The following TYW3 variants were observed in gnomAD, a reference collection of about 807,000 sequenced individuals.
TYW3 encodes tRNA-yW synthesizing protein 3 homolog.
In TYW3, 26 loss-of-function variants were observed where a neutral mutation model predicts 23.1. The ratio of observed to expected loss-of-function variants is 1.13; its 90% confidence interval spans 0.83 to 1.56. The LOEUF is 1.56. Among genes scored for constraint, TYW3 ranks in the 40% most tolerant of loss-of-function variants. The probability of loss-of-function intolerance (pLI) is 0.00; values close to 1 mark genes in which losing one functional copy is unlikely to be tolerated. For synonymous variants in TYW3, 102 were observed against 105.7 expected, an observed-to-expected ratio of 0.97 and a Z score of 0.21; for missense variants, 316 against 311.9, an observed-to-expected ratio of 1.01 and a Z score of -0.10.
At chr1:74,738,872 A>T (rs527814467) in intron 3 of TYW3, 84 bp downstream of exon 3, 2 of 883,972 alleles carry the variant, frequency 2.3e-6, no homozygotes, top group Non-Finnish European at 3.5e-6. Flanking sequence ...ATAAATATCA[A>T]TGAGATATTA....
At position 74,765,860 on chromosome 1, in the gene TYW3, G is replaced by GTT. The variant is rs1649290307; in HGVS notation, c.*1749_*1750dup. 1.3e-5 allele frequency: 2 copies of GTT among 152,038 alleles called. No individual in the cohort carries two copies. The allele number at this position is 152,038 out of a possible 1,614,324, so 9.4% of individuals were successfully genotyped here. A position where few individuals can be genotyped will look rare whatever the true frequency, so the allele number is the denominator to read the frequency against. On this transcript the variant is annotated 3_prime_UTR_variant, in exon 6 of 6. Coordinates refer to ENST00000370867, the MANE Select transcript of TYW3 (RefSeq NM_138467.3). ...GAAGAGAGGGGCTGCTTCCTAATCTGTTTATATAAGGTATAGTATAGTATA... is the reference window on the plus strand; with the variant it reads ...GAAGAGAGGGGCTGCTTCCTAATCTGTTTTTATATAAGGTATAGTATAGTATA...
chr1:74,759,845 A>G (rs1438904283), intron 5 of TYW3, among the ~76,000 whole-genome samples: 1 of 152,074 alleles, frequency 6.6e-6, no homozygotes, highest in Non-Finnish European at 1.5e-5. Flanking sequence ...GGGTTTTGCC[A>G]TGTTGCCTAG....
At chr1:74,758,801 C>T (rs532479285) in intron 5 of TYW3, among the ~76,000 whole-genome samples, 19 of 152,250 alleles carry the variant, frequency 1.2e-4, no homozygotes, top group Middle Eastern at 6.8e-3. Flanking sequence ...AACATGGTCA[C>T]GTTGAAGATA....
intron 5 of TYW3, among the ~76,000 whole-genome samples, chr1:74,755,817 C>T (rs536923948): frequency 1.6e-4 from 25 of 152,268 alleles, no homozygotes; most frequent in African/African-American, 5.5e-4. Context: ...AAAAGAAGAG[C>T]ATGAACAAAG....
rs569759855 is a variant in TYW3, at chr1:74,736,621, T to C, written c.254T>C (p.Val85Ala). Residue 85 changes from valine to alanine, a missense_variant and splice_region_variant, in exon 2 of 6, where the codon GTG becomes GCG. Physicochemically the swap from Val to Ala is moderately conservative, Grantham distance 64 (BLOSUM62 0). Transcript: ENST00000370867. ...VTHKLCVKDDVIVALKKANGD... is the reference protein window; with the variant it reads ...VTHKLCVKDDAIVALKKANGD... Reference sequence around the variant, plus strand: ...CACAAACTTTGTGTAAAAGATGATGTGGTAAGTTTTAAAAAATAAATTTGG... The same window carrying C: ...CACAAACTTTGTGTAAAAGATGATGCGGTAAGTTTTAAAAAATAAATTTGG... 6.3e-7 allele frequency: 1 copy of C among 1,587,166 alleles called. No homozygotes were observed. Among genetic ancestry groups the C allele is most frequent in the African/African-American group, 1.3e-5 (1 of 74,186 alleles).
chr1:74,756,013 C>T (rs577572468), intron 5 of TYW3, among the ~76,000 whole-genome samples: 10 of 152,246 alleles, frequency 6.6e-5, no homozygotes, highest in African/African-American at 2.2e-4. Context: ...AGTCGCCCTG[C>T]ACAAGTTCTC....
chr1:74,745,345 AT>A (rs1255270743), intron 3 of TYW3, among the ~76,000 whole-genome samples: 2 of 152,176 alleles, frequency 1.3e-5, no homozygotes, highest in African/African-American at 4.8e-5. Context: ...CCCCACCCAC[AT>A]CCTGCTGATT....
chr1:74,763,630 C>T (rs1204551155), intron 5 of TYW3, among the ~76,000 whole-genome samples: 1 of 151,564 alleles, frequency 6.6e-6, no homozygotes, highest in Non-Finnish European at 1.5e-5. Flanking sequence ...TCTTTTTTAC[C>T]CTCTTCTTTG....
At chr1:74,743,595 A>G (rs1372259726) in intron 3 of TYW3, among the ~76,000 whole-genome samples, 1 of 152,100 alleles carries the variant, frequency 6.6e-6, no homozygotes, top group Non-Finnish European at 1.5e-5. Flanking sequence ...TGAGTAATTC[A>G]TGGGCTTTTT....
intron 3 of TYW3, among the ~76,000 whole-genome samples, chr1:74,743,756 A>T (rs561125844): frequency 6.6e-6 from 1 of 152,090 alleles, no homozygotes; most frequent in Non-Finnish European, 1.5e-5. Flanking sequence ...CTGTCATTCT[A>T]TCATTTACTT....
intron 3 of TYW3, among the ~76,000 whole-genome samples, chr1:74,742,506 G>T (rs867536560): frequency 6.6e-6 from 1 of 152,162 alleles, no homozygotes; most frequent in Admixed American, 6.5e-5. Flanking sequence ...TCTTGGAGGG[G>T]GTTGTTCCAT....
chr1:74,736,613 AG>A lies in TYW3; in HGVS notation c.247del (p.Asp83MetfsTer3). On this transcript the variant is annotated frameshift_variant, in exon 2 of 6. Coordinates refer to ENST00000370867, the MANE Select transcript of TYW3 (RefSeq NM_138467.3). LOFTEE classifies it high-confidence loss of function. ...LLVTHKLCVKDDVIVALKKAN... is the reference protein window; with the variant it reads ...LLVTHKLCVKXDVIVALKKAN... ...TGGTTACACACAAACTTTGTGTAAA[AG>A]ATGATGTGGTAAGTTTTAAAAAATA... 6.3e-7 allele frequency: 1 copy of A among 1,599,070 alleles called. No individual in the cohort carries two copies. Among genetic ancestry groups the A allele is most frequent in the Middle Eastern group, 1.7e-4 (1 of 6,014 alleles).
chr1:74,762,587 T>C (rs959728096), intron 5 of TYW3, among the ~76,000 whole-genome samples: 13 of 152,172 alleles, frequency 8.5e-5, no homozygotes, highest in African/African-American at 2.9e-4. Flanking sequence ...ATAGGATCCT[T>C]GCTCTCATGA....
chr1:74,735,860 A>T (rs1407954150), intron 1 of TYW3, among the ~76,000 whole-genome samples: 1 of 152,186 alleles, frequency 6.6e-6, no homozygotes, highest in African/African-American at 2.4e-5. Context: ...GAGTATAGTG[A>T]TTTCTGTTCA....
At chr1:74,738,561 G>A (rs1648232649) in intron 2 of TYW3, 129 bp from the exon 3 acceptor site, 7 of 521,700 alleles carry the variant, frequency 1.3e-5, no homozygotes, top group Non-Finnish European at 2.2e-5. Flanking sequence ...AGAGGGAAAA[G>A]TTACTGCAGA....
rs544642809 is a variant in TYW3, at chr1:74,764,016, G to T, written c.683G>T (p.Arg228Leu). The T allele has an allele frequency of 1.2e-6, 2 of 1,612,410 alleles. No homozygotes were observed. Among genetic ancestry groups the T allele is most frequent in the Admixed American group, 1.7e-5 (1 of 59,754 alleles). Residue 228 changes from arginine (R) to leucine (L), a missense_variant, in exon 6 of 6, where the codon CGT becomes CTT. Transcript: ENST00000370867. ...HKKKRNPEKT[R>L]AQCITKESDE... ...AAAAAAAGAAACCCAGAAAAAACAC[G>T]TGCCCAGTGTATTACTAAAGAAAGT...
chr1:74,754,232 A>G (rs934624049), intron 5 of TYW3, among the ~76,000 whole-genome samples: 4 of 152,088 alleles, frequency 2.6e-5, no homozygotes, highest in Non-Finnish European at 4.4e-5. Context: ...AGATCAACTA[A>G]CTGTACACCT....
intron 5 of TYW3, among the ~76,000 whole-genome samples, chr1:74,752,995 C>T (rs183961620): frequency 6.6e-6 from 1 of 152,248 alleles, no homozygotes; most frequent in East Asian, 1.9e-4. Context: ...TGTTCTTCAT[C>T]GTTACCTCCT....
At chr1:74,763,020 T>C (rs1477171717) in intron 5 of TYW3, among the ~76,000 whole-genome samples, 1 of 152,196 alleles carries the variant, frequency 6.6e-6, no homozygotes, top group African/African-American at 2.4e-5. Flanking sequence ...AGAAACATTG[T>C]ATTTTACTTA....
Sources: gnomAD v4.1 joint callset for allele counts (sites outside exome capture counted in the v4.1 genomes callset) on GRCh38, gnomAD v4.1.1 for gene constraint, MANE v1.5 for transcripts, NCBI Gene and HGNC (gene_info 2026-07-23, HGNC 2026-07-21) for gene names.